The following PBX3 variants were observed in gnomAD, a reference collection of about 807,000 sequenced individuals.
PBX3 encodes the protein pre-B-cell leukemia transcription factor 3.
PBX3 carries 14 observed loss-of-function variants against 48.5 expected under a neutral mutation model. The ratio of observed to expected loss-of-function variants is 0.29; its 90% confidence interval spans 0.19 to 0.45. The LOEUF is 0.45. Among genes scored for constraint, PBX3 ranks in the 20% least tolerant of loss-of-function variants. The pLI is 1.00. For synonymous variants in PBX3, 210 were observed against 200.3 expected (o/e 1.05, Z -0.41); for missense variants, 386 against 546.7 (o/e 0.71, Z 2.93).
At position 125,952,151 on chromosome 9, in the gene PBX3, G is replaced by A. The variant is rs902833370; in HGVS notation, c.844-8533G>A. On this transcript the variant is annotated intron_variant, in intron 5 of 8. Coordinates refer to ENST00000373489, the MANE Select transcript of PBX3 (RefSeq NM_006195.6). Reference sequence around the variant, plus strand: ...TTCATAATCTGTTACATTTAATTAGGCACAGTACATAAAGTATGCATCACA... The same window carrying A: ...TTCATAATCTGTTACATTTAATTAGACACAGTACATAAAGTATGCATCACA... 3.6e-4 allele frequency among the ~76,000 whole-genome samples: 55 copies of A among 152,136 alleles called. 1 individual carries two copies. Among genetic ancestry groups the A allele is most frequent in the Admixed American group, 2.8e-3 (43 of 15,276 alleles).
intron 2 of PBX3, among the ~76,000 whole-genome samples, chr9:125,772,051 A>G (rs1394824838): frequency 1.3e-5 from 2 of 152,066 alleles, no homozygotes; most frequent in Non-Finnish European, 2.9e-5. Flanking sequence ...TAGAATATTA[A>G]CCTCTTAGTA....
intron 2 of PBX3, among the ~76,000 whole-genome samples, chr9:125,829,042 A>G (rs934523340): frequency 2.0e-5 from 3 of 152,162 alleles, no homozygotes; most frequent in Non-Finnish European, 2.9e-5. Flanking sequence ...GAAGAGGGAG[A>G]CAGACAGGTT....
chr9:125,847,970 A>G (rs886095969), intron 2 of PBX3, among the ~76,000 whole-genome samples: 2 of 152,040 alleles, frequency 1.3e-5, no homozygotes, highest in Admixed American at 6.6e-5. Flanking sequence ...GCACAGAGCA[A>G]CATTAGTAAA....
chr9:125,935,669 CAG>C, intron 5 of PBX3, 62 bp downstream of exon 5: 1 of 1,447,036 alleles, frequency 6.9e-7, no homozygotes, highest in Admixed American at 2.0e-5. Flanking sequence ...ATTCCTTCCT[CAG>C]GGCATTATTA....
intron 2 of PBX3, among the ~76,000 whole-genome samples, chr9:125,906,685 T>C (rs955340966): frequency 2.0e-5 from 3 of 152,164 alleles, no homozygotes; most frequent in African/African-American, 4.8e-5. Context: ...AGAAAAATTA[T>C]GAATAAAAAT....
chr9:125,840,831 G>A lies in PBX3; in HGVS notation c.275-74855G>A, dbSNP rs1054261930. Among the ~76,000 whole-genome samples, 17 of 151,862 alleles carry A rather than the reference G, an allele frequency of 1.1e-4. 1 individual carries two copies. The highest frequency in any genetic ancestry group is 4.2e-4 in the South Asian group (2 of 4,812). The stretch of plus-strand genomic sequence containing the variant: ...ATTCTAACTGAATTGCTCAGAAAAG[G>A]GCATTGTAAAGAGAGTCCAGGGTAA... On this transcript the variant is annotated intron_variant, in intron 2 of 8. Coordinates refer to ENST00000373489, the MANE Select transcript of PBX3 (RefSeq NM_006195.6).
intron 5 of PBX3, among the ~76,000 whole-genome samples, chr9:125,944,200 T>C (rs768592221): frequency 5.9e-4 from 90 of 152,378 alleles, no homozygotes; most frequent in Non-Finnish European, 7.6e-4. Context: ...AGAGATGCTC[T>C]TGGGCTTTCC....
At chr9:125,962,052 T>G in intron 6 of PBX3, 50 bp from the exon 7 acceptor site, 1 of 901,498 alleles carries the variant, frequency 1.1e-6, no homozygotes, top group Non-Finnish European at 1.9e-6. Context: ...TCTTTGAGGA[T>G]TATGTGTGTA....
At chr9:125,765,977 T>A (rs1022624396) in intron 2 of PBX3, among the ~76,000 whole-genome samples, 4 of 152,174 alleles carry the variant, frequency 2.6e-5, no homozygotes, top group African/African-American at 9.7e-5. Flanking sequence ...AAGTTCATCA[T>A]TGGATAAAAT....
At chr9:125,855,642 G>A (rs1728908079) in intron 2 of PBX3, among the ~76,000 whole-genome samples, 1 of 152,092 alleles carries the variant, frequency 6.6e-6, no homozygotes, top group African/African-American at 2.4e-5. Flanking sequence ...TTAAGTGTGT[G>A]GGTTTTGTTG....
intron 2 of PBX3, among the ~76,000 whole-genome samples, chr9:125,802,579 G>T (rs563601891): frequency 6.6e-6 from 1 of 152,006 alleles, no homozygotes; most frequent in East Asian, 1.9e-4. Flanking sequence ...ATGTTGTCCA[G>T]GCTGGTCTCA....
At chr9:125,843,424 G>A (rs945912847) in intron 2 of PBX3, among the ~76,000 whole-genome samples, 1 of 151,956 alleles carries the variant, frequency 6.6e-6, no homozygotes, top group African/African-American at 2.4e-5. Context: ...TGGGGTATAC[G>A]GAGAATTTTT....
At chr9:125,791,301 GTCTATCTATCTATCTA>G (rs61202902) in intron 2 of PBX3, among the ~76,000 whole-genome samples, 4 of 108,898 alleles carry the variant, frequency 3.7e-5, no homozygotes, top group Admixed American at 9.7e-5. Flanking sequence ...CTGTCTGTCT[GTCTATCTATCTATCTA>G]TCTATCTATC....
chr9:125,932,325 C>T (rs965531564), intron 4 of PBX3, among the ~76,000 whole-genome samples: 18 of 152,124 alleles, frequency 1.2e-4, no homozygotes, highest in African/African-American at 3.6e-4. Context: ...CCCTTGAACA[C>T]TTATACTATG....
At chr9:125,829,349 G>A (rs1838893654) in intron 2 of PBX3, among the ~76,000 whole-genome samples, 1 of 152,136 alleles carries the variant, frequency 6.6e-6, no homozygotes, top group South Asian at 2.1e-4. Context: ...TGCAACCGAG[G>A]TACATTTTCT....
At chr9:125,868,327 AT>A (rs1840038924) in intron 2 of PBX3, among the ~76,000 whole-genome samples, 1 of 152,196 alleles carries the variant, frequency 6.6e-6, no homozygotes, top group Admixed American at 6.5e-5. Flanking sequence ...TGTTACATTG[AT>A]TTTATTTACA....
At chr9:125,878,575 A>G (rs577452479) in intron 2 of PBX3, among the ~76,000 whole-genome samples, 4 of 152,314 alleles carry the variant, frequency 2.6e-5, no homozygotes. Context: ...AGCTTGATTG[A>G]TGGAAGGACA....
At chr9:125,830,768 C>T (rs1329784175) in intron 2 of PBX3, among the ~76,000 whole-genome samples, 1 of 152,038 alleles carries the variant, frequency 6.6e-6, no homozygotes, top group East Asian at 1.9e-4. Context: ...TTTAAAGAAG[C>T]TAAGTAACTT....
intron 2 of PBX3, among the ~76,000 whole-genome samples, chr9:125,802,366 T>A (rs868156124): frequency 0.054 from 7,534 of 140,068 alleles, 587 homozygotes; most frequent in East Asian, 0.16. Flanking sequence ...TGCATTTTTT[T>A]TTTTTTTTTT....
Sources: allele counts gnomAD v4.1 joint callset (sites outside exome capture counted in the v4.1 genomes callset), GRCh38; gene constraint gnomAD v4.1.1; transcripts MANE v1.5; gene names NCBI Gene and HGNC (gene_info 2026-07-23, HGNC 2026-07-21).